PDE7B: variants seen among roughly 807,000 people sequenced by gnomAD.
PDE7B encodes phosphodiesterase 7B, also known as 3',5'-cyclic-AMP phosphodiesterase 7B.
A neutral mutation model predicts 56.2 loss-of-function variants in PDE7B; 29 were observed. That is an observed-to-expected ratio of 0.52 (90% CI 0.38 to 0.70). PDE7B has a LOEUF of 0.70. Among genes scored for constraint, PDE7B ranks in the 30% least tolerant of loss-of-function variants. PDE7B has a pLI of 0.00. For synonymous variants in PDE7B, 197 were observed against 196.9 expected (o/e 1.00, Z 0.00); for missense variants, 490 against 565.0 (o/e 0.87, Z 1.35).
chr6:135,935,424 A>G (rs1375805945), intron 1 of PDE7B, among the ~76,000 whole-genome samples: 1 of 151,394 alleles, frequency 6.6e-6, no homozygotes, highest in African/African-American at 2.4e-5. Flanking sequence ...GTATAACTTT[A>G]TTCACATATT....
intron 2 of PDE7B, among the ~76,000 whole-genome samples, chr6:135,960,730 C>A (rs73558745): frequency 0.013 from 2,030 of 152,244 alleles, 46 homozygotes; most frequent in African/African-American, 0.047. Context: ...TCCCTCGTAC[C>A]GCCTCCTAGA....
intron 2 of PDE7B, among the ~76,000 whole-genome samples, chr6:136,025,018 G>A (rs1467929646): frequency 1.3e-5 from 2 of 152,122 alleles, no homozygotes; most frequent in African/African-American, 4.8e-5. Context: ...ATGTTAATGG[G>A]GGAAAAGTTC....
At chr6:136,014,505 T>G (rs1043276125) in intron 2 of PDE7B, among the ~76,000 whole-genome samples, 1 of 152,236 alleles carries the variant, frequency 6.6e-6, no homozygotes, top group South Asian at 2.1e-4. Context: ...TGTGAACTTT[T>G]AGCCCTGTTG....
At chr6:135,906,550 G>C (rs1423788107) in intron 1 of PDE7B, among the ~76,000 whole-genome samples, 2 of 152,084 alleles carry the variant, frequency 1.3e-5, no homozygotes, top group Non-Finnish European at 2.9e-5. Context: ...CAAGAATAGA[G>C]ATTATAGATG....
chr6:136,143,132 T>G (rs920366734), intron 3 of PDE7B, among the ~76,000 whole-genome samples: 5 of 152,106 alleles, frequency 3.3e-5, no homozygotes, highest in Non-Finnish European at 7.4e-5. Flanking sequence ...AGGAGCTCTT[T>G]TAGGGCAGGC....
At chr6:135,863,825 T>C (rs1359224020) in intron 1 of PDE7B, among the ~76,000 whole-genome samples, 4 of 152,090 alleles carry the variant, frequency 2.6e-5, no homozygotes, top group South Asian at 4.1e-4. Context: ...TATATGTTTA[T>C]GTTTTAGGTG....
At chr6:135,947,894 A>C (rs1299473253) in intron 2 of PDE7B, among the ~76,000 whole-genome samples, 1 of 152,122 alleles carries the variant, frequency 6.6e-6, no homozygotes. Flanking sequence ...AAGTCCTTAC[A>C]TCACAGTACA....
intron 8 of PDE7B, chr6:136,161,941 T>C (rs1343265613): frequency 4.6e-5 from 7 of 152,214 alleles, no homozygotes; most frequent in Non-Finnish European, 7.3e-5. Context: ...CATGGGGATA[T>C]GTGAAGACTT....
intron 1 of PDE7B, among the ~76,000 whole-genome samples, chr6:135,859,654 T>G (rs1191688608): frequency 6.6e-6 from 1 of 152,042 alleles, no homozygotes; most frequent in African/African-American, 2.4e-5. Context: ...TTGAATATGT[T>G]GCCCCAAGTG....
intron 6 of PDE7B, among the ~76,000 whole-genome samples, chr6:136,152,680 C>G (rs1043902857): frequency 6.6e-6 from 1 of 152,218 alleles, no homozygotes; most frequent in Non-Finnish European, 1.5e-5. Flanking sequence ...TTCTAATCAC[C>G]AAATGACTTT....
chr6:136,110,050 A>G (rs561652061), intron 3 of PDE7B, among the ~76,000 whole-genome samples: 29 of 152,322 alleles, frequency 1.9e-4, no homozygotes, highest in Middle Eastern at 3.4e-3. Context: ...TGAGAGGCCA[A>G]TAGTAGGTGG....
chr6:136,192,117 T>G lies in PDE7B; in HGVS notation c.*277T>G. 1 of 467,568 alleles carries G rather than the reference T, an allele frequency of 2.1e-6. No homozygotes were observed. Among genetic ancestry groups the G allele is most frequent in the Non-Finnish European group, 3.9e-6 (1 of 255,124 alleles). The allele number at this position is 467,568 out of a possible 1,614,324, so 29.0% of individuals were successfully genotyped here. A position where few individuals can be genotyped will look rare whatever the true frequency, so the allele number is the denominator to read the frequency against. On this transcript the variant is annotated 3_prime_UTR_variant, in exon 13 of 13. Transcript: ENST00000308191. ...GGCTCTCCCTGCTCCAGGAGAAGACTAGGAGGAAGAATGAGGTGCTCCTGC... is the reference window on the plus strand; with the variant it reads ...GGCTCTCCCTGCTCCAGGAGAAGACGAGGAGGAAGAATGAGGTGCTCCTGC...
At chr6:135,903,746 T>C (rs1776046998) in intron 1 of PDE7B, among the ~76,000 whole-genome samples, 1 of 152,216 alleles carries the variant, frequency 6.6e-6, no homozygotes, top group Non-Finnish European at 1.5e-5. Context: ...ATGAGTTCAG[T>C]ATTTTATGTA....
intron 3 of PDE7B, among the ~76,000 whole-genome samples, chr6:136,134,839 A>G (rs1365498937): frequency 6.6e-6 from 1 of 151,852 alleles, no homozygotes; most frequent in African/African-American, 2.4e-5. Context: ...TTGAACACCT[A>G]CAAGCGATGC....
chr6:136,066,887 T>C lies in PDE7B; in HGVS notation c.83-41844T>C, dbSNP rs554129648. Among the ~76,000 whole-genome samples the C allele has an allele frequency of 2.7e-5, 4 of 150,824 alleles. No homozygotes were observed. In the East Asian group the frequency reaches 7.8e-4, roughly 29 times the overall value. ...TTTTTTTTGAAATGAGGCCTCACTGTGTCACCCAGGCTGGAGCACAGTGGC... is the reference window on the plus strand; with the variant it reads ...TTTTTTTTGAAATGAGGCCTCACTGCGTCACCCAGGCTGGAGCACAGTGGC... On this transcript the variant is annotated intron_variant, in intron 2 of 12. Coordinates refer to ENST00000308191, the MANE Select transcript of PDE7B (RefSeq NM_018945.4).
At chr6:136,070,791 A>G (rs1001201296) in intron 2 of PDE7B, among the ~76,000 whole-genome samples, 3 of 152,192 alleles carry the variant, frequency 2.0e-5, no homozygotes, top group African/African-American at 7.2e-5. Context: ...TTCTTACGTG[A>G]TAATAACAGC....
intron 1 of PDE7B, among the ~76,000 whole-genome samples, chr6:135,939,167 G>A (rs1355937231): frequency 2.0e-5 from 3 of 152,188 alleles, no homozygotes; most frequent in Non-Finnish European, 4.4e-5. Context: ...CTAATTAGAG[G>A]TTTATAAGGG....
chr6:136,050,269 C>T (rs1391119158), intron 2 of PDE7B, among the ~76,000 whole-genome samples: 1 of 151,990 alleles, frequency 6.6e-6, no homozygotes, highest in Non-Finnish European at 1.5e-5. Context: ...ACATGTAAAC[C>T]TACATGTGAT....
rs1360982013 is a variant in PDE7B at position 136,121,996 on chromosome 6, A to G, written c.166+13182A>G. Reference sequence around the variant, plus strand: ...CAGTGATGGTCTTGAATGCCAATTTATAATCTTTTTTTTTTTTGAGACGGA... The same window carrying G: ...CAGTGATGGTCTTGAATGCCAATTTGTAATCTTTTTTTTTTTTGAGACGGA... On this transcript the variant is annotated intron_variant, in intron 3 of 12. Coordinates refer to ENST00000308191, the MANE Select transcript of PDE7B (RefSeq NM_018945.4). Among the ~76,000 whole-genome samples, 9 of 152,080 alleles carry G rather than the reference A, an allele frequency of 5.9e-5. No homozygotes were observed. The East Asian group carries it at 1.7e-3, about 30-fold the overall frequency.
Sources: gnomAD v4.1 joint callset for allele counts (sites outside exome capture counted in the v4.1 genomes callset) on GRCh38, gnomAD v4.1.1 for gene constraint, MANE v1.5 for transcripts, NCBI Gene and HGNC (gene_info 2026-07-23, HGNC 2026-07-21) for gene names.